Variants in USP4 observed in about 807,000 individuals in gnomAD.
The protein encoded by USP4 is ubiquitin specific peptidase 4.
Under a neutral mutation model 118.2 loss-of-function variants are expected in USP4, and 72 were observed. That is an observed-to-expected ratio of 0.61 (90% CI 0.50 to 0.74). USP4 has a LOEUF of 0.74. USP4 is among the 30% of genes least tolerant of loss of function. The pLI, the probability that USP4 is intolerant of heterozygous loss-of-function variation, is 0.00. For synonymous variants in USP4, 415 were observed against 440.4 expected (o/e 0.94, Z 0.72); for missense variants, 1,037 against 1,185.7 (o/e 0.87, Z 1.84).
chr3:49,277,633 T>C lies in USP4; in HGVS notation c.*660A>G, dbSNP rs1360794206. Reference sequence around the variant, plus strand: ...TCTAATAAAAGTTCCACACAGTATTTAACCGTCTTAATTCATCTAGGGTAG... The same window carrying C: ...TCTAATAAAAGTTCCACACAGTATTCAACCGTCTTAATTCATCTAGGGTAG... On this transcript the variant is annotated 3_prime_UTR_variant, in exon 22 of 22. Coordinates refer to ENST00000265560, the MANE Select transcript of USP4 (RefSeq NM_003363.4). 6.3e-6 allele frequency: 1 copy of C among 159,614 alleles called. No individual in the cohort carries two copies. The highest frequency in any genetic ancestry group is 6.1e-5 in the Admixed American group (1 of 16,312). 9.9% of individuals were successfully genotyped at this position (159,614 alleles called of 1,614,324 possible).
chr3:49,319,045 T>C (rs1200620727), intron 6 of USP4, among the ~76,000 whole-genome samples: 7 of 147,318 alleles, frequency 4.8e-5, no homozygotes, highest in South Asian at 2.2e-4. Context: ...TAGAAATACA[T>C]TGGCCAGGCA....
At chr3:49,338,502 T>C (rs908962122) in intron 1 of USP4, among the ~76,000 whole-genome samples, 5 of 150,666 alleles carry the variant, frequency 3.3e-5, no homozygotes, top group Non-Finnish European at 5.9e-5. Flanking sequence ...CTACTAAAAA[T>C]ACAAAAAAAA....
chr3:49,302,413 G>C lies in USP4; in HGVS notation c.1258C>G (p.Leu420Val). The C allele has an allele frequency of 6.2e-7, 1 of 1,613,964 alleles. No homozygotes were observed. The highest frequency in any genetic ancestry group is 8.5e-7 in the Non-Finnish European group (1 of 1,179,980). The part of the protein sequence containing the change: ...NRVKKKPYLE[L>V]KDANGRPDAV... The stretch of plus-strand genomic sequence containing the variant: ...TCTGGCCGCCCATTGGCATCCTTCA[G>C]CTCCAAGTAGGGCTTTTTCTTTACC... Residue 420 changes from leucine to valine, a missense_variant, in exon 10 of 22, where the codon CTG becomes GTG. By Grantham distance (32) the Leu-to-Val change is conservative (BLOSUM62 1). This residue lies in a region of USP4 where 487 missense variants were observed against 534.1 expected (regional missense o/e 0.91). Coordinates refer to ENST00000265560, the MANE Select transcript of USP4 (RefSeq NM_003363.4).
chr3:49,321,418 AT>A, intron 6 of USP4, among the ~76,000 whole-genome samples: 1 of 151,960 alleles, frequency 6.6e-6, no homozygotes, highest in South Asian at 2.1e-4. Context: ...ATTACCCAGA[AT>A]TTATCTCTGG....
chr3:49,305,736 A>G lies in USP4; in HGVS notation c.1107T>C (p.His369=), dbSNP rs774097008. 6.2e-7 allele frequency: 1 copy of G among 1,611,074 alleles called. No homozygotes were observed. Residue 369 remains histidine, a synonymous_variant, in exon 9 of 22, where the codon CAT becomes CAC. Coordinates refer to ENST00000265560, the MANE Select transcript of USP4 (RefSeq NM_003363.4). ...IKQMWSGRDA[H]VAPRMFKTQV... ...CTACTTTGAACATGCGAGGTGCCAC[A>G]TGGGCGTCCCTTCCAGACCACATCT...
At chr3:49,331,906 A>T (rs1267087730) in intron 2 of USP4, among the ~76,000 whole-genome samples, 1 of 151,228 alleles carries the variant, frequency 6.6e-6, no homozygotes, top group Non-Finnish European at 1.5e-5. Context: ...GTCAAGGCAG[A>T]CAGATCACTT....
At chr3:49,285,855 G>A (rs775955523) in intron 16 of USP4, among the ~76,000 whole-genome samples, 14 of 152,196 alleles carry the variant, frequency 9.2e-5, no homozygotes, top group African/African-American at 1.9e-4. Flanking sequence ...GCAAATTCCC[G>A]CAGAGGGAGT....
At chr3:49,283,367 G>A (rs1288787572) in intron 19 of USP4, among the ~76,000 whole-genome samples, 1 of 151,418 alleles carries the variant, frequency 6.6e-6, no homozygotes, top group East Asian at 1.9e-4. Flanking sequence ...TCTCTATGTT[G>A]TCCAGGCTGG....
At chr3:49,308,395 T>C (rs555374522) in intron 8 of USP4, among the ~76,000 whole-genome samples, 130 of 152,144 alleles carry the variant, frequency 8.5e-4, no homozygotes, top group African/African-American at 3.0e-3. Context: ...TCTTGGCTCA[T>C]TGCAACCTCC....
At chr3:49,302,584 G>A (rs764480297) in intron 9 of USP4, 42 bp from the exon 10 acceptor site, 1 of 1,579,034 alleles carries the variant, frequency 6.3e-7, no homozygotes, top group South Asian at 1.2e-5. Flanking sequence ...AATACGTAAA[G>A]AACTAGTTAA....
At chr3:49,297,688 G>A (rs1340170713) in intron 13 of USP4, among the ~76,000 whole-genome samples, 182 bp downstream of exon 13, 3 of 152,214 alleles carry the variant, frequency 2.0e-5, no homozygotes, top group African/African-American at 4.8e-5. Flanking sequence ...TGCAGGGCAG[G>A]AGGGGTTGAG....
intron 3 of USP4, 84 bp from the exon 4 acceptor site, chr3:49,325,929 A>T: frequency 6.6e-7 from 1 of 1,526,528 alleles, no homozygotes; most frequent in Non-Finnish European, 8.9e-7. Context: ...AGAAGCAAAA[A>T]GCAGAAAACT....
chr3:49,328,767 T>G (rs2047583166), intron 2 of USP4, among the ~76,000 whole-genome samples: 1 of 149,904 alleles, frequency 6.7e-6, no homozygotes, highest in African/African-American at 2.5e-5. Flanking sequence ...GGCTGAGGCA[T>G]AAGAATTGCT....
rs757270865 is a variant in USP4 at position 49,277,233 on chromosome 3, G to C, written c.*1060C>G. 1.5e-6 allele frequency: 2 copies of C among 1,314,616 alleles called. No individual in the cohort carries two copies. The highest frequency in any genetic ancestry group is 2.5e-5 in the South Asian group (2 of 81,216). 81.4% of individuals were successfully genotyped at this position (1,314,616 alleles called of 1,614,324 possible). On this transcript the variant is annotated 3_prime_UTR_variant, in exon 22 of 22. Transcript: ENST00000265560. ...CATCCAACGGTCATCGCATGCGCGTGCCCCGCGCAGGCCCCAAACCCCCAC... is the reference window on the plus strand; with the variant it reads ...CATCCAACGGTCATCGCATGCGCGTCCCCCGCGCAGGCCCCAAACCCCCAC...
At chr3:49,295,714 G>GCGCGCA (rs149459963) in intron 13 of USP4, among the ~76,000 whole-genome samples, 47 of 148,412 alleles carry the variant, frequency 3.2e-4, no homozygotes, top group African/African-American at 8.6e-4. Flanking sequence ...GCGCGCGCGC[G>GCGCGCA]CACACACACA....
chr3:49,334,268 C>A (rs1045955532), intron 2 of USP4, among the ~76,000 whole-genome samples: 1 of 152,078 alleles, frequency 6.6e-6, no homozygotes, highest in Non-Finnish European at 1.5e-5. Flanking sequence ...GAATTTAAAA[C>A]CTTAAGAATT....
At chr3:49,319,315 C>A (rs2107794714) in intron 6 of USP4, among the ~76,000 whole-genome samples, 1 of 152,004 alleles carries the variant, frequency 6.6e-6, no homozygotes. Flanking sequence ...GTGGCGCGAT[C>A]TCGGCTGACC....
intron 6 of USP4, among the ~76,000 whole-genome samples, chr3:49,322,970 C>A (rs1413832210): frequency 6.6e-6 from 1 of 151,366 alleles, no homozygotes; most frequent in Non-Finnish European, 1.5e-5. Context: ...GGTGAACAGA[C>A]ATTCTTTTTT....
At position 49,284,854 on chromosome 3, in the gene USP4, A is replaced by T; in HGVS notation, c.2266T>A (p.Ser756Thr). 1.2e-6 allele frequency: 2 copies of T among 1,613,812 alleles called. No homozygotes were observed. The highest frequency in any genetic ancestry group is 8.5e-7 in the Non-Finnish European group (1 of 1,179,818). ...ACGAACCCCGAGGGACCTACCTCAG[A>T]TTCTTGCTCATCATAGTAAAGTCTC... ...TRRLYYDEQE[S>T]EAYEKHVSML... is the part of the protein sequence containing the mutation. Residue 756 changes from serine (S) to threonine (T), a missense_variant, in exon 17 of 22, where the codon TCT (serine) becomes ACT (threonine). Transcript: ENST00000265560.
Sources: gnomAD v4.1 joint callset for allele counts (sites outside exome capture counted in the v4.1 genomes callset) on GRCh38, gnomAD v4.1.1 for gene constraint, gnomAD v4.1.1 regional missense constraint, MANE v1.5 for transcripts, NCBI Gene and HGNC (gene_info 2026-07-23, HGNC 2026-07-21) for gene names.